Variants in ABCA13 observed in about 807,000 individuals in gnomAD.
The protein encoded by ABCA13 is ATP binding cassette subfamily A member 13, also known as ATP-binding cassette sub-family A member 13.
A neutral mutation model predicts 478.7 loss-of-function variants in ABCA13; 476 were observed. The observed-to-expected ratio is 0.99, with a 90% CI of 0.92 to 1.07. The LOEUF (loss-of-function observed/expected upper bound fraction) is 1.07. ABCA13 is among the 50% of genes least tolerant of loss of function. The pLI is 0.00. For synonymous variants in ABCA13, 2,252 were observed against 2,158.9 expected, an observed-to-expected ratio of 1.04 and a Z score of -1.20; for missense variants, 6,060 against 5,910.6, an observed-to-expected ratio of 1.03 and a Z score of -0.83.
At chr7:48,193,827 G>T (rs1797465483) in intron 2 of ABCA13, among the ~76,000 whole-genome samples, 1 of 151,986 alleles carries the variant, frequency 6.6e-6, no homozygotes, top group Non-Finnish European at 1.5e-5. Context: ...TAGTGATGAT[G>T]GTGATGATGA....
intron 55 of ABCA13, among the ~76,000 whole-genome samples, chr7:48,548,583 C>T (rs1785032299): frequency 6.7e-6 from 1 of 149,600 alleles, no homozygotes; most frequent in Non-Finnish European, 1.5e-5. Flanking sequence ...TGTTAAACGT[C>T]AAAAGCAACC....
chr7:48,412,109 G>A (rs868177977), intron 40 of ABCA13, among the ~76,000 whole-genome samples: 2 of 152,190 alleles, frequency 1.3e-5, no homozygotes, highest in South Asian at 4.2e-4. Context: ...TAGCTAAGAC[G>A]GGCATGTTGG....
chr7:48,489,600 T>G (rs1318390762), intron 48 of ABCA13, among the ~76,000 whole-genome samples: 1 of 152,160 alleles, frequency 6.6e-6, no homozygotes, highest in African/African-American at 2.4e-5. Context: ...TGGAGAGTTC[T>G]CTCCTAAAAT....
chr7:48,345,429 A>G (rs930822534), intron 29 of ABCA13, among the ~76,000 whole-genome samples: 1 of 152,166 alleles, frequency 6.6e-6, no homozygotes, highest in Admixed American at 6.5e-5. Flanking sequence ...CCAGTGGGAC[A>G]AGAGGTGGAG....
chr7:48,367,929 C>T, intron 32 of ABCA13, 21 bp downstream of exon 32: 1 of 1,531,052 alleles, frequency 6.5e-7, no homozygotes, highest in South Asian at 1.2e-5. Flanking sequence ...TTAAACCTTG[C>T]CTGGGAGACA....
chr7:48,572,012 T>C (rs942047244), intron 55 of ABCA13, among the ~76,000 whole-genome samples: 24 of 152,218 alleles, frequency 1.6e-4, no homozygotes, highest in Admixed American at 8.5e-4. Context: ...ACCCCATCTC[T>C]ACTAAAAATA....
intron 59 of ABCA13, among the ~76,000 whole-genome samples, chr7:48,633,265 T>A (rs940239299): frequency 6.6e-6 from 1 of 152,040 alleles, no homozygotes; most frequent in African/African-American, 2.4e-5. Flanking sequence ...GGCACTCAAA[T>A]TCATAAAACA....
chr7:48,337,751 T>C (rs374639595), intron 28 of ABCA13, among the ~76,000 whole-genome samples: 453 of 152,334 alleles, frequency 3.0e-3, no homozygotes, highest in Non-Finnish European at 5.0e-3. Flanking sequence ...AGTACATGGA[T>C]ATCAATGGCA....
intron 3 of ABCA13, among the ~76,000 whole-genome samples, chr7:48,206,011 C>G (rs889407888): frequency 6.6e-6 from 1 of 152,168 alleles, no homozygotes; most frequent in Non-Finnish European, 1.5e-5. Flanking sequence ...TGTGCTCTAT[C>G]CCAGCCCAAC....
intron 59 of ABCA13, among the ~76,000 whole-genome samples, chr7:48,624,609 G>A (rs2131607724): frequency 6.6e-6 from 1 of 151,448 alleles, no homozygotes; most frequent in African/African-American, 2.4e-5. Context: ...GTGTGCGAGT[G>A]CAATGACACG....
chr7:48,272,376 G>A lies in ABCA13; in HGVS notation c.2710G>A (p.Glu904Lys), dbSNP rs1795731901. The A allele has an allele frequency of 6.2e-7, 1 of 1,613,650 alleles. No homozygotes were observed. The highest frequency in any genetic ancestry group is 1.7e-5 in the Admixed American group (1 of 59,988). The change falls in exon 17 of 62, where the codon GAA (glutamate) becomes AAA (lysine). Residue 904 changes from glutamate to lysine, a missense_variant. Glu to Lys is a moderately conservative substitution (Grantham distance 56). Around this residue, in one of 3 missense-constraint regions of ABCA13, gnomAD observed 4,423 missense variants for 4,309.1 expected, o/e 1.03. Coordinates refer to ENST00000435803, the MANE Select transcript of ABCA13 (RefSeq NM_152701.5). ...LSEAIITSLHEFGFLEQEQIS... is the reference protein window; with the variant it reads ...LSEAIITSLHKFGFLEQEQIS... ...TGAGGCTATAATAACTAGTCTCCATGAATTTGGATTTTTGGAGCAGGAACA... is the reference window on the plus strand; with the variant it reads ...TGAGGCTATAATAACTAGTCTCCATAAATTTGGATTTTTGGAGCAGGAACA...
intron 10 of ABCA13, among the ~76,000 whole-genome samples, chr7:48,243,775 G>A (rs1205709692): frequency 6.6e-6 from 1 of 152,210 alleles, no homozygotes; most frequent in African/African-American, 2.4e-5. Flanking sequence ...CAGTGGGATG[G>A]CTCCAGCCAG....
In ABCA13 at chr7:48,244,703, G is replaced by T. The variant is rs753938217; in HGVS notation, c.1390G>T (p.Glu464Ter). The T allele has an allele frequency of 6.3e-6, 10 of 1,588,916 alleles. No homozygotes were observed. The Admixed American group carries it at 1.7e-4, about 28-fold the overall frequency. ...AIAQNLHFVQ[E>*]VLICLETSAN... ...AGCTCAGAATTTACATTTTGTCCAA[G>T]GTAAGCTAGCTTTGGTGTTATTTGT... The change falls in exon 11 of 62, where the codon GAA becomes TAA. Residue 464 changes from glutamate to a stop codon, truncating the protein, a stop_gained and splice_region_variant. Coordinates refer to ENST00000435803, the MANE Select transcript of ABCA13 (RefSeq NM_152701.5). LOFTEE classifies it high-confidence loss of function.
intron 23 of ABCA13, among the ~76,000 whole-genome samples, chr7:48,304,914 GATGTTTCTCTTTAGGAAT>G (rs1178830029): frequency 6.6e-6 from 1 of 152,220 alleles, no homozygotes; most frequent in Non-Finnish European, 1.5e-5. Flanking sequence ...CCAGTGTGAA[GATGTTTCTCTTTAGGAAT>G]ATGAAAACCA....
At chr7:48,204,487 A>G (rs1384553494) in intron 3 of ABCA13, among the ~76,000 whole-genome samples, 1 of 152,154 alleles carries the variant, frequency 6.6e-6, no homozygotes, top group East Asian at 1.9e-4. Context: ...CTGGGATTAC[A>G]GGCGTGAGCC....
chr7:48,629,172 T>C (rs1004929246), intron 59 of ABCA13, among the ~76,000 whole-genome samples: 27 of 152,222 alleles, frequency 1.8e-4, no homozygotes, highest in African/African-American at 5.8e-4. Flanking sequence ...AATATTGTGC[T>C]GTCACCTTCT....
intron 45 of ABCA13, among the ~76,000 whole-genome samples, chr7:48,478,668 C>G (rs1172235740): frequency 2.0e-5 from 3 of 152,058 alleles, no homozygotes; most frequent in Non-Finnish European, 4.4e-5. Flanking sequence ...GATCTTGGAA[C>G]AGACACTCTC....
chr7:48,451,392 C>T (rs555153500), intron 42 of ABCA13, among the ~76,000 whole-genome samples: 13 of 152,118 alleles, frequency 8.5e-5, no homozygotes, highest in South Asian at 2.1e-4. Flanking sequence ...AGATCAAAGG[C>T]GATCTGTATT....
chr7:48,380,941 C>T (rs924899511), intron 35 of ABCA13, among the ~76,000 whole-genome samples: 2 of 152,174 alleles, frequency 1.3e-5, no homozygotes, highest in African/African-American at 4.8e-5. Context: ...GGCAAGGTAC[C>T]AGCCAACTAG....
Sources: allele counts gnomAD v4.1 joint callset (sites outside exome capture counted in the v4.1 genomes callset), GRCh38; gene constraint gnomAD v4.1.1; regional missense constraint gnomAD v4.1.1; transcripts MANE v1.5; gene names NCBI Gene and HGNC (gene_info 2026-07-23, HGNC 2026-07-21).